PPP1R12B: variants seen among roughly 807,000 people sequenced by gnomAD.
PPP1R12B encodes the protein protein phosphatase 1 regulatory subunit 12B.
A neutral mutation model predicts 126.1 loss-of-function variants in PPP1R12B; 76 were observed. That is an observed-to-expected ratio of 0.60 (90% confidence interval 0.50 to 0.73). PPP1R12B has a LOEUF of 0.73. Ranked by LOEUF, PPP1R12B falls within the 30% of genes least tolerant of loss-of-function variation. PPP1R12B has a pLI of 0.00. For synonymous variants in PPP1R12B, 356 were observed against 434.7 expected (o/e 0.82, Z 2.25); for missense variants, 1,052 against 1,205.1 (o/e 0.87, Z 1.88).
At chr1:202,492,266 T>G (rs1678972713) in intron 14 of PPP1R12B, among the ~76,000 whole-genome samples, 1 of 152,246 alleles carries the variant, frequency 6.6e-6, no homozygotes, top group Non-Finnish European at 1.5e-5. Flanking sequence ...GATTTGTCTT[T>G]GTAGTTCTAG....
At chr1:202,433,405 C>T (rs561518177) in intron 8 of PPP1R12B, among the ~76,000 whole-genome samples, 1 of 152,316 alleles carries the variant, frequency 6.6e-6, no homozygotes, top group South Asian at 2.1e-4. Flanking sequence ...TAAACACCCA[C>T]AGTACCCTTT....
intron 19 of PPP1R12B, 182 bp from the exon 20 acceptor site, chr1:202,562,596 C>A: frequency 3.8e-6 from 3 of 781,718 alleles, no homozygotes; most frequent in Non-Finnish European, 6.9e-6. Flanking sequence ...CAAGCTCGTG[C>A]AGTTTAGCCC....
At chr1:202,416,435 A>C (rs1469459690) in intron 1 of PPP1R12B, among the ~76,000 whole-genome samples, 1 of 150,198 alleles carries the variant, frequency 6.7e-6, no homozygotes, top group Non-Finnish European at 1.5e-5. Context: ...CTGAGGCAGG[A>C]GAATCGCTTG....
Position 202,586,684 on chromosome 1 carries a change from T to TGAAA in PPP1R12B, c.*6127_*6130dup, listed in dbSNP as rs1297550324. 7 of 152,194 alleles carry TGAAA rather than the reference T, an allele frequency of 4.6e-5. No homozygotes were observed. The highest frequency in any genetic ancestry group is 7.2e-5 in the African/African-American group (3 of 41,442). 9.4% of individuals were successfully genotyped at this position (152,194 alleles called of 1,614,324 possible). A position where few individuals can be genotyped will look rare whatever the true frequency, so the allele number is the denominator to read the frequency against. ...TGGCCAGCAGCCAGCAGCTGCATGGTGAAAGATGCATTCACTTCTCCTTTG... is the reference window on the plus strand; with the variant it reads ...TGGCCAGCAGCCAGCAGCTGCATGGTGAAAGAAAGATGCATTCACTTCTCCTTTG... On this transcript the variant is annotated 3_prime_UTR_variant, in exon 24 of 24. Transcript: ENST00000608999.
At position 202,352,111 on chromosome 1, in the gene PPP1R12B, A is replaced by G. The variant is rs569965878; in HGVS notation, c.291+2969A>G. On this transcript the variant is annotated intron_variant, in intron 1 of 23. Transcript: ENST00000608999. Reference sequence around the variant, plus strand: ...GGTGTGTATGCATGTGTTGTCCTAGAGTCCTTAACAAGGTATTAATCTGAT... The same window carrying G: ...GGTGTGTATGCATGTGTTGTCCTAGGGTCCTTAACAAGGTATTAATCTGAT... 7.2e-5 allele frequency among the ~76,000 whole-genome samples: 11 copies of G among 152,336 alleles called. No homozygotes were observed. In the East Asian group the frequency reaches 1.9e-3, roughly 27 times the overall value.
intron 18 of PPP1R12B, among the ~76,000 whole-genome samples, chr1:202,497,097 T>C (rs1679654579): frequency 6.6e-6 from 1 of 152,246 alleles, no homozygotes; most frequent in African/African-American, 2.4e-5. Context: ...TTCTCTCTTG[T>C]ATGTTATTGG....
At chr1:202,448,816 ATGTAATTATACTATTCCAAGCTG>A (rs1672576370) in intron 12 of PPP1R12B, among the ~76,000 whole-genome samples, 150 bp from the exon 13 acceptor site, 3 of 152,234 alleles carry the variant, frequency 2.0e-5, no homozygotes, top group Admixed American at 2.0e-4. Context: ...CAGACTAAAC[ATGTAATTATACTATTCCAAGCTG>A]TAAGAGCTCA....
chr1:202,425,420 T>G, intron 3 of PPP1R12B, 146 bp from the exon 4 acceptor site: 1 of 837,146 alleles, frequency 1.2e-6, no homozygotes. Context: ...ATGCCATTGA[T>G]CTTCTAAATT....
At chr1:202,446,256 A>ATATTTT (rs376183502) in intron 12 of PPP1R12B, among the ~76,000 whole-genome samples, 1,456 of 54,230 alleles carry the variant, frequency 0.027, 56 homozygotes, top group Non-Finnish European at 0.036. Context: ...ATATATATAT[A>ATATTTT]TTTTTTTTTT....
At position 202,496,700 on chromosome 1, in the gene PPP1R12B, A is replaced by G. The variant is rs1238542603; in HGVS notation, c.2449-81A>G. 2.3e-6 allele frequency: 3 copies of G among 1,282,128 alleles called. No individual in the cohort carries two copies. In the Admixed American group the frequency reaches 5.9e-5, roughly 25 times the overall value. 79.4% of individuals were successfully genotyped at this position (1,282,128 alleles called of 1,614,324 possible). A position where few individuals can be genotyped will look rare whatever the true frequency, so the allele number is the denominator to read the frequency against. ...CCATGTTTGAAATGCCAAGATGCAT[A>G]ATTGATGGGATCTGACCTTGTTGCT... On this transcript the variant is annotated intron_variant, in intron 17 of 23. Coordinates refer to ENST00000608999, the MANE Select transcript of PPP1R12B (RefSeq NM_002481.4).
At chr1:202,558,033 C>G (rs565497886) in intron 18 of PPP1R12B, among the ~76,000 whole-genome samples, 148 of 152,112 alleles carry the variant, frequency 9.7e-4, no homozygotes, top group African/African-American at 3.3e-3. Context: ...TGCTTCTCTT[C>G]CTCCTCTTGT....
At chr1:202,522,340 T>C (rs1682864350) in intron 18 of PPP1R12B, among the ~76,000 whole-genome samples, 2 of 152,152 alleles carry the variant, frequency 1.3e-5, no homozygotes, top group Admixed American at 1.3e-4. Context: ...AAATGTGTGC[T>C]AAAGTCCTTG....
chr1:202,452,403 A>G (rs1260903409), intron 13 of PPP1R12B, among the ~76,000 whole-genome samples: 1 of 152,206 alleles, frequency 6.6e-6, no homozygotes. Flanking sequence ...TACGAAAACC[A>G]GTCAGGCGTG....
intron 18 of PPP1R12B, among the ~76,000 whole-genome samples, chr1:202,550,972 G>A (rs897833921): frequency 2.0e-5 from 3 of 152,184 alleles, no homozygotes; most frequent in African/African-American, 7.2e-5. Context: ...ACAAAAGGGA[G>A]GTGCAGGTCT....
Position 202,508,758 on chromosome 1 carries a change from ACT to A in PPP1R12B, c.2490+11939_2490+11940del, listed in dbSNP as rs1340194784. ...TTGCTGGCTGTTGTGAAGAGTCAAC[ACT>A]CTGCCTTTCTGAGGCTGATAGGGAA... On this transcript the variant is annotated intron_variant, in intron 18 of 23. Coordinates refer to ENST00000608999, the MANE Select transcript of PPP1R12B (RefSeq NM_002481.4). The surrounding 1 kb of genome is among the most constrained non-coding windows in gnomAD (Gnocchi z 4.5). Among the ~76,000 whole-genome samples, 2 of 152,088 alleles carry A rather than the reference ACT, an allele frequency of 1.3e-5. No individual in the cohort carries two copies. Among genetic ancestry groups the A allele is most frequent in the Non-Finnish European group, 2.9e-5 (2 of 68,008 alleles).
rs562840869 is a variant in PPP1R12B at position 202,560,275 on chromosome 1, A to G, written c.2507+1382A>G. Among the ~76,000 whole-genome samples the G allele has an allele frequency of 7.2e-5, 11 of 152,316 alleles. No individual in the cohort carries two copies. The East Asian group carries it at 1.9e-3, about 27-fold the overall frequency. ...TTACCGGAAAGGGGTCCTGATTCAG[A>G]CCCCAAGAGAGGGTTCTTGGATCTC... On this transcript the variant is annotated intron_variant, in intron 19 of 23. Coordinates refer to ENST00000608999, the MANE Select transcript of PPP1R12B (RefSeq NM_002481.4).
intron 18 of PPP1R12B, among the ~76,000 whole-genome samples, chr1:202,544,034 G>A (rs1301008328): frequency 2.0e-5 from 3 of 152,074 alleles, no homozygotes; most frequent in Admixed American, 6.6e-5. Context: ...CAGGAAAAGC[G>A]GAAAAACTTT....
At chr1:202,537,241 C>G (rs1684636667) in intron 18 of PPP1R12B, among the ~76,000 whole-genome samples, 1 of 151,962 alleles carries the variant, frequency 6.6e-6, no homozygotes, top group Admixed American at 6.6e-5. Context: ...GTTGTCCCAG[C>G]TACTTGGGAG....
intron 1 of PPP1R12B, among the ~76,000 whole-genome samples, chr1:202,414,623 G>A (rs1667828739): frequency 6.6e-6 from 1 of 152,096 alleles, no homozygotes; most frequent in African/African-American, 2.4e-5. Flanking sequence ...AACACATACT[G>A]ATTATTTTCT....
Sources: gnomAD v4.1 joint callset for allele counts (sites outside exome capture counted in the v4.1 genomes callset) on GRCh38, gnomAD v4.1.1 for gene constraint, Gnocchi (gnomAD v3.1) non-coding constraint, MANE v1.5 for transcripts, NCBI Gene and HGNC (gene_info 2026-07-23, HGNC 2026-07-21) for gene names.